Variants in PIAS2 observed in about 807,000 individuals in gnomAD.
PIAS2 encodes the protein E3 SUMO-protein ligase PIAS2.
Under a neutral mutation model 69.7 loss-of-function variants are expected in PIAS2, and 19 were observed. The ratio of observed to expected loss-of-function variants is 0.27; its 90% CI spans 0.19 to 0.40. The LOEUF (loss-of-function observed/expected upper bound fraction) is 0.40. Ranked by LOEUF, PIAS2 falls within the 10% of genes least tolerant of loss-of-function variation. The probability of loss-of-function intolerance (pLI) is 1.00; values close to 1 mark genes in which losing one functional copy is unlikely to be tolerated. For missense variants in PIAS2, 624 were observed against 757.0 expected (o/e 0.82, Z 2.06); for synonymous variants, 261 against 263.2 (o/e 0.99, Z 0.08).
chr18:46,853,331 G>A (rs1031529741), intron 5 of PIAS2: 3 of 151,474 alleles, frequency 2.0e-5, no homozygotes, highest in Non-Finnish European at 4.4e-5. Context: ...AGCACATCTA[G>A]GGCAAAGAAA....
At chr18:46,846,889 T>C in intron 5 of PIAS2, 48 bp from the exon 6 acceptor site, 3 of 1,496,982 alleles carry the variant, frequency 2.0e-6, no homozygotes, top group Non-Finnish European at 2.7e-6. Context: ...TGCAGGAAGA[T>C]TAAACATTTT....
chr18:46,904,667 C>T (rs1196189226), intron 1 of PIAS2, among the ~76,000 whole-genome samples: 2 of 151,636 alleles, frequency 1.3e-5, no homozygotes, highest in Non-Finnish European at 2.9e-5. Flanking sequence ...AGGAGAATCA[C>T]TTGAACCCAC....
At chr18:46,862,256 G>A (rs747984542) in intron 3 of PIAS2, among the ~76,000 whole-genome samples, 8 of 152,082 alleles carry the variant, frequency 5.3e-5, no homozygotes, top group South Asian at 2.1e-4. Context: ...GCCTGAAACC[G>A]GGAGGTGGAG....
At position 46,917,293 on chromosome 18, in the gene PIAS2, C is replaced by T. The variant is rs765832714; in HGVS notation, c.24+29G>A. ...CCACCTCCTCTCCCATCCCCTCCCC[C>T]GCGGCCTCCGCTCTCCACTCCCGCT... On this transcript the variant is annotated intron_variant, in intron 1 of 13. Transcript: ENST00000585916. The T allele has an allele frequency of 5.5e-6, 8 of 1,464,220 alleles. No individual in the cohort carries two copies. The South Asian group carries it at 1.0e-4, about 19-fold the overall frequency. 90.7% of individuals were successfully genotyped at this position (1,464,220 alleles called of 1,614,324 possible).
chr18:46,849,052 A>T (rs770401467), intron 5 of PIAS2, among the ~76,000 whole-genome samples: 2 of 152,146 alleles, frequency 1.3e-5, no homozygotes, highest in Non-Finnish European at 2.9e-5. Flanking sequence ...AAATAAAAAT[A>T]ATGTTACAGG....
chr18:46,884,654 G>A (rs2052846071), intron 2 of PIAS2, among the ~76,000 whole-genome samples: 1 of 151,952 alleles, frequency 6.6e-6, no homozygotes, highest in Non-Finnish European at 1.5e-5. Flanking sequence ...CGTGGCTCAC[G>A]CCTGTAATCC....
At chr18:46,833,396 T>C (rs757895287) in intron 9 of PIAS2, among the ~76,000 whole-genome samples, 1 of 152,100 alleles carries the variant, frequency 6.6e-6, no homozygotes, top group Non-Finnish European at 1.5e-5. Flanking sequence ...GAGGGAGAGA[T>C]TGAAAACATA....
chr18:46,863,846 C>T (rs1377750960), intron 3 of PIAS2, among the ~76,000 whole-genome samples: 1 of 152,022 alleles, frequency 6.6e-6, no homozygotes, highest in Non-Finnish European at 1.5e-5. Context: ...GGAGACAAGG[C>T]CTTTAAGGAG....
Position 46,896,737 on chromosome 18 carries a change from T to C in PIAS2, c.25-5683A>G, listed in dbSNP as rs979502702. On this transcript the variant is annotated intron_variant, in intron 1 of 13. Coordinates refer to ENST00000585916, the MANE Select transcript of PIAS2 (RefSeq NM_004671.5). ...TTATCAACATGGACCATAAGAAGTC[T>C]TTGTGTAACACAATTTACAAACCAA... Among the ~76,000 whole-genome samples, 3 of 152,244 alleles carry C rather than the reference T, an allele frequency of 2.0e-5. No individual in the cohort carries two copies. The East Asian group carries it at 5.8e-4, about 29-fold the overall frequency.
intron 9 of PIAS2, 24 bp from the exon 10 acceptor site, chr18:46,829,891 T>C (rs781409380): frequency 5.0e-6 from 8 of 1,599,250 alleles, no homozygotes; most frequent in Non-Finnish European, 6.0e-6. Flanking sequence ...AAGAAGTACA[T>C]ACATGTGATC....
At chr18:46,842,086 T>A (rs1310726317) in intron 8 of PIAS2, among the ~76,000 whole-genome samples, 1 of 151,692 alleles carries the variant, frequency 6.6e-6, no homozygotes, top group Non-Finnish European at 1.5e-5. Context: ...ATTAGCCAGG[T>A]GTGGTGGCGT....
At chr18:46,823,864 C>A (rs529287713) in intron 11 of PIAS2, among the ~76,000 whole-genome samples, 25 of 152,170 alleles carry the variant, frequency 1.6e-4, no homozygotes, top group Non-Finnish European at 3.1e-4. Context: ...TCACAAAGAC[C>A]ACATTCAGAA....
At chr18:46,880,378 C>G (rs1393973614) in intron 2 of PIAS2, among the ~76,000 whole-genome samples, 2 of 152,042 alleles carry the variant, frequency 1.3e-5, no homozygotes, top group African/African-American at 2.4e-5. Flanking sequence ...CAGAGAGACC[C>G]TGTCTCAAAA....
chr18:46,854,195 T>G (rs890262235), intron 5 of PIAS2, among the ~76,000 whole-genome samples: 2 of 152,190 alleles, frequency 1.3e-5, no homozygotes, highest in African/African-American at 2.4e-5. Context: ...GGGGCCCAAT[T>G]CTTAGCACTT....
chr18:46,893,826 C>CA (rs992573744), intron 1 of PIAS2, among the ~76,000 whole-genome samples: 1 of 151,976 alleles, frequency 6.6e-6, no homozygotes, highest in Non-Finnish European at 1.5e-5. Context: ...AAACACCCCC[C>CA]AAAAAAATCC....
intron 8 of PIAS2, among the ~76,000 whole-genome samples, chr18:46,838,232 C>A (rs184372146): frequency 6.6e-4 from 101 of 152,280 alleles, no homozygotes; most frequent in African/African-American, 2.3e-3. Context: ...ATAGTTCTAC[C>A]TACGTGCAAG....
intron 1 of PIAS2, chr18:46,907,351 T>C (rs550488178): frequency 6.6e-6 from 1 of 152,282 alleles, no homozygotes; most frequent in African/African-American, 2.4e-5. Flanking sequence ...ATTAGGGAGA[T>C]GCAAATTAAA....
intron 1 of PIAS2, among the ~76,000 whole-genome samples, chr18:46,904,623 CACCTGTAG>C (rs2056345167): frequency 6.6e-6 from 1 of 151,990 alleles, no homozygotes; most frequent in African/African-American, 2.4e-5. Flanking sequence ...TGGTGGCAGG[CACCTGTAG>C]TCCCAGCTAC....
intron 1 of PIAS2, among the ~76,000 whole-genome samples, chr18:46,914,437 A>G (rs115505402): frequency 0.013 from 1,927 of 152,290 alleles, 38 homozygotes; most frequent in African/African-American, 0.043. Flanking sequence ...GCAACAAGGT[A>G]TAGAGCTGCC....
Sources: gnomAD v4.1 joint callset for allele counts (sites outside exome capture counted in the v4.1 genomes callset) on GRCh38, gnomAD v4.1.1 for gene constraint, MANE v1.5 for transcripts, NCBI Gene and HGNC (gene_info 2026-07-23, HGNC 2026-07-21) for gene names.